The following SNTB1 variants were observed in gnomAD, a reference collection of about 807,000 sequenced individuals.
SNTB1 encodes the protein beta-1-syntrophin.
SNTB1 carries 36 observed loss-of-function variants against 48.9 expected under a neutral mutation model. The observed-to-expected ratio is 0.74, with a 90% CI of 0.56 to 0.97. The LOEUF (loss-of-function observed/expected upper bound fraction) is 0.97, where lower values mean the gene tolerates loss of function less well. Ranked by LOEUF, SNTB1 falls within the 50% of genes least tolerant of loss-of-function variation. SNTB1 has a pLI of 0.00. For missense variants in SNTB1, 786 were observed against 703.4 expected, an observed-to-expected ratio of 1.12 and a Z score of -1.33; for synonymous variants, 299 against 294.6, an observed-to-expected ratio of 1.01 and a Z score of -0.15.
At position 120,600,916 on chromosome 8, in the gene SNTB1, A is replaced by C. The variant is rs566729888; in HGVS notation, c.997-25691T>G. Among the ~76,000 whole-genome samples the C allele has an allele frequency of 1.2e-4, 19 of 152,144 alleles. 1 individual carries two copies. In the South Asian group the frequency reaches 3.9e-3, roughly 32 times the overall value. ...ATGAGAGTCCAGCCCAGCCTTGCTC[A>C]TCTTGACTCAGCCTGAGCACAGGGG... On this transcript the variant is annotated intron_variant, in intron 3 of 6. Transcript: ENST00000517992.
At chr8:120,760,028 TACTC>T (rs1405680246) in intron 1 of SNTB1, among the ~76,000 whole-genome samples, 1 of 152,190 alleles carries the variant, frequency 6.6e-6, no homozygotes. Context: ...CTGTCACAAA[TACTC>T]AATCTGCCAT....
intron 1 of SNTB1, among the ~76,000 whole-genome samples, chr8:120,801,578 C>G (rs535334782): frequency 1.2e-3 from 186 of 152,030 alleles, no homozygotes; most frequent in African/African-American, 4.3e-3. Context: ...CAAATATTGT[C>G]AAAATTCATG....
chr8:120,552,910 G>A (rs1291891414), intron 4 of SNTB1, among the ~76,000 whole-genome samples: 1 of 152,038 alleles, frequency 6.6e-6, no homozygotes, highest in Non-Finnish European at 1.5e-5. Flanking sequence ...GGGTGATGAT[G>A]CCTTATGAGA....
chr8:120,548,749 C>T lies in SNTB1; in HGVS notation c.1333+13G>A, dbSNP rs1297734003. On this transcript the variant is annotated intron_variant, in intron 5 of 6. Transcript: ENST00000517992. ...GTAACAATGTGTCCTTGGTAGCTCA[C>T]TGCAGTACTCACCAGTGCTGATTTC... 5 of 1,612,790 alleles carry T rather than the reference C, an allele frequency of 3.1e-6. No homozygotes were observed. Among genetic ancestry groups the T allele is most frequent in the Non-Finnish European group, 4.2e-6 (5 of 1,178,832 alleles).
intron 4 of SNTB1, among the ~76,000 whole-genome samples, chr8:120,552,474 C>T (rs1353892042): frequency 6.6e-6 from 1 of 152,236 alleles, no homozygotes; most frequent in Non-Finnish European, 1.5e-5. Flanking sequence ...TTCTCTGTCT[C>T]AGCCTCCCGA....
intron 1 of SNTB1, among the ~76,000 whole-genome samples, chr8:120,710,557 C>G (rs925971532): frequency 1.3e-5 from 2 of 152,178 alleles, no homozygotes; most frequent in Non-Finnish European, 2.9e-5. Context: ...GAGGTGGAAC[C>G]TTTTGGGAAG....
chr8:120,626,665 T>A (rs568499422), intron 3 of SNTB1, among the ~76,000 whole-genome samples: 4 of 152,290 alleles, frequency 2.6e-5, no homozygotes, highest in Admixed American at 1.3e-4. Context: ...CTTTCTAAGT[T>A]TGGATCAGCT....
intron 1 of SNTB1, among the ~76,000 whole-genome samples, chr8:120,786,488 C>T (rs1819925706): frequency 6.6e-6 from 1 of 152,166 alleles, no homozygotes; most frequent in South Asian, 2.1e-4. Context: ...GGGGCTTTTA[C>T]CACAGGAGTT....
chr8:120,564,910 A>G (rs1815725446), intron 4 of SNTB1, among the ~76,000 whole-genome samples: 1 of 152,086 alleles, frequency 6.6e-6, no homozygotes, highest in African/African-American at 2.4e-5. Flanking sequence ...GATCAGAGAG[A>G]AGACGTCACT....
At chr8:120,809,986 A>T (rs1363005912) in intron 1 of SNTB1, among the ~76,000 whole-genome samples, 2 of 152,122 alleles carry the variant, frequency 1.3e-5, no homozygotes, top group Non-Finnish European at 2.9e-5. Flanking sequence ...AGTTTCACAC[A>T]CTAGTGCCAC....
chr8:120,790,104 G>A (rs999892638), intron 1 of SNTB1, among the ~76,000 whole-genome samples: 1 of 151,448 alleles, frequency 6.6e-6, no homozygotes, highest in Non-Finnish European at 1.5e-5. Flanking sequence ...TCAATAAATG[G>A]GATTTATCAC....
rs547990591 is a variant in SNTB1 at position 120,799,917 on chromosome 8, T to C, written c.571+11356A>G. ...TTCAAAACTTGAAATTATACTATAA[T>C]AGATATTACCACTCTCATTTCCTGT... On this transcript the variant is annotated intron_variant, in intron 1 of 6. Coordinates refer to ENST00000517992, the MANE Select transcript of SNTB1 (RefSeq NM_021021.4). Among the ~76,000 whole-genome samples the C allele has an allele frequency of 2.0e-5, 3 of 152,200 alleles. No individual in the cohort carries two copies. The East Asian group carries it at 5.8e-4, about 29-fold the overall frequency.
At chr8:120,710,398 G>A (rs910103800) in intron 1 of SNTB1, among the ~76,000 whole-genome samples, 2 of 152,220 alleles carry the variant, frequency 1.3e-5, no homozygotes, top group Non-Finnish European at 2.9e-5. Flanking sequence ...AAATGGCTAT[G>A]AGGAACATTT....
intron 2 of SNTB1, among the ~76,000 whole-genome samples, chr8:120,639,058 T>C (rs1177740157): frequency 2.0e-5 from 3 of 152,242 alleles, no homozygotes; most frequent in South Asian, 2.1e-4. Context: ...ACCTGTTGTT[T>C]CCTGACCTTT....
chr8:120,595,893 C>T (rs934142117), intron 3 of SNTB1, among the ~76,000 whole-genome samples: 2 of 152,186 alleles, frequency 1.3e-5, no homozygotes, highest in Non-Finnish European at 2.9e-5. Context: ...TCACTTTACT[C>T]TATGGACTCA....
chr8:120,584,902 C>A (rs1205988624), intron 3 of SNTB1, among the ~76,000 whole-genome samples: 2 of 152,032 alleles, frequency 1.3e-5, no homozygotes, highest in African/African-American at 2.4e-5. Flanking sequence ...CGTTTCCATG[C>A]CAAGGAATGC....
At chr8:120,717,581 T>G (rs1449934318) in intron 1 of SNTB1, among the ~76,000 whole-genome samples, 1 of 152,234 alleles carries the variant, frequency 6.6e-6, no homozygotes, top group Non-Finnish European at 1.5e-5. Flanking sequence ...GTTGCCTTTC[T>G]TCATCACGGG....
chr8:120,730,439 C>T (rs1265758455), intron 1 of SNTB1, among the ~76,000 whole-genome samples: 1 of 152,124 alleles, frequency 6.6e-6, no homozygotes, highest in South Asian at 2.1e-4. Flanking sequence ...CCACCCTCCT[C>T]GGCCTCCCAA....
chr8:120,667,375 T>A (rs1159221626), intron 2 of SNTB1, among the ~76,000 whole-genome samples: 1 of 152,018 alleles, frequency 6.6e-6, no homozygotes, highest in Non-Finnish European at 1.5e-5. Flanking sequence ...GTCGTGGAAA[T>A]GGAGAGAAGT....
Sources: allele counts gnomAD v4.1 joint callset (sites outside exome capture counted in the v4.1 genomes callset), GRCh38; gene constraint gnomAD v4.1.1; transcripts MANE v1.5; gene names NCBI Gene and HGNC (gene_info 2026-07-23, HGNC 2026-07-21).